TRHDE: variants seen among roughly 807,000 people sequenced by gnomAD.
TRHDE encodes thyrotropin-releasing hormone-degrading ectoenzyme.
TRHDE carries 72 observed loss-of-function variants against 125.7 expected under a neutral mutation model. The ratio of observed to expected loss-of-function variants is 0.57; its 90% CI spans 0.47 to 0.70. The LOEUF (loss-of-function observed/expected upper bound fraction) is 0.70. Ranked by LOEUF, TRHDE falls within the 30% of genes least tolerant of loss-of-function variation. TRHDE has a pLI of 0.00. For synonymous variants in TRHDE, 509 were observed against 509.1 expected, an observed-to-expected ratio of 1.00 and a Z score of 0.00; for missense variants, 1,110 against 1,327.1, an observed-to-expected ratio of 0.84 and a Z score of 2.54.
chr12:72,181,447 G>A (rs1877094835), intron 2 of TRHDE, among the ~76,000 whole-genome samples: 1 of 152,070 alleles, frequency 6.6e-6, no homozygotes, highest in Non-Finnish European at 1.5e-5. Flanking sequence ...TCTTCAAAGG[G>A]CCCTGGGCTA....
At chr12:72,505,468 A>G (rs1442846636) in intron 6 of TRHDE, among the ~76,000 whole-genome samples, 2 of 152,192 alleles carry the variant, frequency 1.3e-5, no homozygotes, top group Non-Finnish European at 2.9e-5. Context: ...AAGTGAGTGA[A>G]TGCTCATTAA....
At chr12:72,584,734 C>T (rs1003192229) in intron 12 of TRHDE, among the ~76,000 whole-genome samples, 11 of 152,074 alleles carry the variant, frequency 7.2e-5, no homozygotes, top group Non-Finnish European at 1.5e-4. Context: ...AGAGGATTTC[C>T]TTTTTTATGG....
At chr12:72,468,303 G>A (rs960978021) in intron 3 of TRHDE, among the ~76,000 whole-genome samples, 3 of 152,174 alleles carry the variant, frequency 2.0e-5, no homozygotes, top group Non-Finnish European at 4.4e-5. Flanking sequence ...TCCATGTGAT[G>A]TATGCAGTGT....
intron 10 of TRHDE, among the ~76,000 whole-genome samples, chr12:72,572,505 C>T (rs1448347373): frequency 6.6e-6 from 1 of 151,982 alleles, no homozygotes; most frequent in Non-Finnish European, 1.5e-5. Flanking sequence ...TGCTTGCCAT[C>T]ATTTAATTTG....
intron 2 of TRHDE, among the ~76,000 whole-genome samples, chr12:72,315,506 A>G (rs924425654): frequency 1.1e-4 from 17 of 152,276 alleles, no homozygotes; most frequent in Admixed American, 9.8e-4. Context: ...CCTTATTGCC[A>G]TCTAAATACT....
chr12:72,143,185 G>T (rs1256014963), intron 2 of TRHDE, among the ~76,000 whole-genome samples: 1 of 152,164 alleles, frequency 6.6e-6, no homozygotes, highest in Non-Finnish European at 1.5e-5. Context: ...TGCACCTGCC[G>T]ACCTGCATGC....
intron 3 of TRHDE, among the ~76,000 whole-genome samples, chr12:72,432,918 C>T (rs775456871): frequency 2.0e-5 from 3 of 152,118 alleles, no homozygotes; most frequent in Non-Finnish European, 4.4e-5. Context: ...CATTTCGTCT[C>T]TTACCATTAG....
chr12:72,222,516 G>A (rs964727719), intron 2 of TRHDE, among the ~76,000 whole-genome samples: 2 of 91,732 alleles, frequency 2.2e-5, no homozygotes, highest in Non-Finnish European at 4.8e-5. Flanking sequence ...CTTTGGCTGG[G>A]TTTCTGATTT....
At chr12:72,489,636 T>A (rs963311603) in intron 5 of TRHDE, among the ~76,000 whole-genome samples, 1 of 151,804 alleles carries the variant, frequency 6.6e-6, no homozygotes, top group African/African-American at 2.4e-5. Context: ...GTACTGGCAT[T>A]AAACTAGACA....
At chr12:72,516,852 G>T (rs1313823850) in intron 6 of TRHDE, among the ~76,000 whole-genome samples, 111 of 152,250 alleles carry the variant, frequency 7.3e-4, no homozygotes, top group African/African-American at 2.3e-3. Flanking sequence ...TTTTTAGCAT[G>T]AAGCGTTGTT....
chr12:72,283,894 T>TATAC (rs1224027499), intron 1 of TRHDE, among the ~76,000 whole-genome samples: 2 of 151,702 alleles, frequency 1.3e-5, no homozygotes, highest in African/African-American at 2.4e-5. Flanking sequence ...GAGGAAATAT[T>TATAC]ATACATATAT....
At chr12:72,165,682 T>G (rs1347228514) in intron 2 of TRHDE, among the ~76,000 whole-genome samples, 3 of 151,864 alleles carry the variant, frequency 2.0e-5, no homozygotes, top group Non-Finnish European at 4.4e-5. Flanking sequence ...GAAATGCATT[T>G]TTTTTTTTTG....
At chr12:72,213,429 T>C (rs1012795718) in intron 2 of TRHDE, among the ~76,000 whole-genome samples, 8 of 152,186 alleles carry the variant, frequency 5.3e-5, no homozygotes, top group African/African-American at 1.9e-4. Flanking sequence ...ATATTTCTCT[T>C]AAATGCTACA....
intron 12 of TRHDE, among the ~76,000 whole-genome samples, chr12:72,597,690 GGT>G (rs1491424522): frequency 1.3e-5 from 1 of 76,102 alleles, no homozygotes; most frequent in African/African-American, 8.9e-5. Flanking sequence ...AACTAAGAGA[GGT>G]ATATATATGT....
intron 7 of TRHDE, among the ~76,000 whole-genome samples, chr12:72,546,057 G>A (rs977209068): frequency 6.6e-6 from 1 of 151,614 alleles, no homozygotes; most frequent in Non-Finnish European, 1.5e-5. Flanking sequence ...GACAAGAAAA[G>A]CTACCACGGT....
In TRHDE at chr12:72,597,713, GTATATATATATATA is replaced by G. The variant is rs762515309; in HGVS notation, c.2322-21146_2322-21133del. On this transcript the variant is annotated intron_variant, in intron 12 of 18. Transcript: ENST00000261180. ...GAGGTATATATATGTGTGTGTGTAT[GTATATATATATATA>G]TATATATATATATATATATATATAT... is the stretch of plus-strand genomic sequence containing the variant. 4.9e-3 allele frequency among the ~76,000 whole-genome samples: 90 copies of G among 18,480 alleles called. 1 individual carries two copies. Among genetic ancestry groups the G allele is most frequent in the African/African-American group, 0.013 (51 of 3,866 alleles). The allele number at this position is 18,480 out of a possible 152,430, so 12.1% of individuals were successfully genotyped here. A position where few individuals can be genotyped will look rare whatever the true frequency, so the allele number is the denominator to read the frequency against.
intron 7 of TRHDE, among the ~76,000 whole-genome samples, chr12:72,546,312 C>A (rs1163301191): frequency 6.6e-6 from 1 of 151,654 alleles, no homozygotes; most frequent in Non-Finnish European, 1.5e-5. Context: ...AAACCTTCAG[C>A]TGAGAATTTA....
chr12:72,623,551 A>G (rs1455307857), intron 15 of TRHDE, among the ~76,000 whole-genome samples: 1 of 152,100 alleles, frequency 6.6e-6, no homozygotes, highest in African/African-American at 2.4e-5. Context: ...GGTAGCTGGA[A>G]ATCAAAGAAG....
intron 1 of TRHDE, among the ~76,000 whole-genome samples, chr12:72,088,024 G>GA (rs2139280213): frequency 6.6e-6 from 1 of 152,192 alleles, no homozygotes; most frequent in East Asian, 1.9e-4. Flanking sequence ...TGGAGGACTT[G>GA]AAAAAGTTTA....
Sources: allele counts gnomAD v4.1 joint callset (sites outside exome capture counted in the v4.1 genomes callset), GRCh38; gene constraint gnomAD v4.1.1; transcripts MANE v1.5; gene names NCBI Gene and HGNC (gene_info 2026-07-23, HGNC 2026-07-21).